The following CTNND2 variants were observed in gnomAD, a reference collection of about 807,000 sequenced individuals.
CTNND2 encodes the protein catenin delta-2.
A neutral mutation model predicts 144.4 loss-of-function variants in CTNND2; 22 were observed. The ratio of observed to expected loss-of-function variants is 0.15; its 90% CI spans 0.11 to 0.22. The LOEUF (loss-of-function observed/expected upper bound fraction) is 0.22, where lower values mean the gene tolerates loss of function less well. Among genes scored for constraint, CTNND2 ranks in the 10% least tolerant of loss-of-function variants. CTNND2 has a pLI of 1.00. For missense variants in CTNND2, 1,353 were observed against 1,618.8 expected (o/e 0.84, Z 2.82); for synonymous variants, 751 against 695.6 (o/e 1.08, Z -1.25).
intron 1 of CTNND2, among the ~76,000 whole-genome samples, chr5:11,758,348 G>T (rs1442340077): frequency 6.6e-6 from 1 of 151,710 alleles, no homozygotes; most frequent in South Asian, 2.1e-4. Context: ...ATTTTTGTTT[G>T]ATTAAAAAAA....
chr5:11,492,210 G>A (rs547400229), intron 3 of CTNND2, among the ~76,000 whole-genome samples: 2 of 152,224 alleles, frequency 1.3e-5, no homozygotes, highest in South Asian at 4.1e-4. Flanking sequence ...CAGGTAAACG[G>A]CATTTTACTG....
At chr5:11,460,156 A>G in intron 3 of CTNND2, among the ~76,000 whole-genome samples, 1 of 152,178 alleles carries the variant, frequency 6.6e-6, no homozygotes, top group East Asian at 1.9e-4. Context: ...ATACACTCAG[A>G]GGGAGCCTCC....
chr5:11,412,253 T>A (rs978620129), intron 3 of CTNND2, among the ~76,000 whole-genome samples, 184 bp from the exon 4 acceptor site: 3 of 152,194 alleles, frequency 2.0e-5, no homozygotes, highest in African/African-American at 7.2e-5. Flanking sequence ...TTGCTGTATA[T>A]CCCTTTTGAT....
At chr5:11,481,563 A>T (rs534744551) in intron 3 of CTNND2, among the ~76,000 whole-genome samples, 40 of 152,156 alleles carry the variant, frequency 2.6e-4, no homozygotes, top group African/African-American at 7.9e-4. Flanking sequence ...AGGTCATGCC[A>T]CTGCACTGCA....
At chr5:11,112,417 T>C (rs1753093535) in intron 13 of CTNND2, among the ~76,000 whole-genome samples, 1 of 152,158 alleles carries the variant, frequency 6.6e-6, no homozygotes. Flanking sequence ...AGGGTCTAGA[T>C]GCTGGAATAG....
intron 2 of CTNND2, among the ~76,000 whole-genome samples, chr5:11,698,232 C>G (rs1785226964): frequency 6.6e-6 from 1 of 152,042 alleles, no homozygotes; most frequent in Non-Finnish European, 1.5e-5. Flanking sequence ...TCCATGAAAT[C>G]TATCTGATGC....
At chr5:11,668,413 A>G (rs1334250293) in intron 2 of CTNND2, among the ~76,000 whole-genome samples, 2 of 152,162 alleles carry the variant, frequency 1.3e-5, no homozygotes, top group African/African-American at 4.8e-5. Flanking sequence ...ATGTTTATCC[A>G]TTTGTTTGTG....
intron 5 of CTNND2, among the ~76,000 whole-genome samples, chr5:11,409,327 G>C (rs1275083841): frequency 6.6e-6 from 1 of 151,930 alleles, no homozygotes; most frequent in African/African-American, 2.4e-5. Context: ...TTATCTTCTA[G>C]TAGCTGGTCA....
At chr5:11,178,118 C>T (rs373146597) in intron 11 of CTNND2, among the ~76,000 whole-genome samples, 1 of 152,094 alleles carries the variant, frequency 6.6e-6, no homozygotes, top group African/African-American at 2.4e-5. Context: ...TCTCAATGCC[C>T]ATTTCTATTC....
At position 11,134,197 on chromosome 5, in the gene CTNND2, A is replaced by G. The variant is rs941926932; in HGVS notation, c.2160-16630T>C. Among the ~76,000 whole-genome samples the G allele has an allele frequency of 3.3e-5, 5 of 152,178 alleles. 1 individual carries two copies. Among genetic ancestry groups the G allele is most frequent in the Admixed American group, 1.3e-4 (2 of 15,274 alleles). Reference sequence around the variant, plus strand: ...CTCAGGTGGCTTTAAGGATGAAGGAAGGGAGCAATGAGCCAAGGAATATCA... The same window carrying G: ...CTCAGGTGGCTTTAAGGATGAAGGAGGGGAGCAATGAGCCAAGGAATATCA... On this transcript the variant is annotated intron_variant, in intron 12 of 21. Transcript: ENST00000304623.
intron 18 of CTNND2, among the ~76,000 whole-genome samples, chr5:10,994,204 A>G (rs1579979007): frequency 7.8e-6 from 1 of 127,844 alleles, no homozygotes; most frequent in Non-Finnish European, 1.6e-5. Context: ...GGAAGGAAAA[A>G]CCAAGCCGGA....
chr5:11,425,506 T>C (rs1762706854), intron 3 of CTNND2, among the ~76,000 whole-genome samples: 2 of 152,210 alleles, frequency 1.3e-5, no homozygotes, highest in African/African-American at 4.8e-5. Flanking sequence ...GTATGTGTCC[T>C]GAAGTTATCC....
chr5:11,385,599 A>G (rs1232943106), intron 6 of CTNND2, among the ~76,000 whole-genome samples: 4 of 152,048 alleles, frequency 2.6e-5, no homozygotes, highest in African/African-American at 7.2e-5. Flanking sequence ...CGCAATCACA[A>G]TCTGTTTGTT....
chr5:11,381,715 C>T (rs1267424582), intron 7 of CTNND2, among the ~76,000 whole-genome samples: 1 of 152,208 alleles, frequency 6.6e-6, no homozygotes, highest in Admixed American at 6.5e-5. Context: ...CGCCTGTAAT[C>T]CCAGCACTTT....
At chr5:11,052,033 C>T (rs113878329) in intron 16 of CTNND2, among the ~76,000 whole-genome samples, 5 of 152,244 alleles carry the variant, frequency 3.3e-5, no homozygotes, top group East Asian at 1.9e-4. Flanking sequence ...TGGTTTCAAG[C>T]GGGCCGGGGC....
intron 3 of CTNND2, among the ~76,000 whole-genome samples, chr5:11,424,194 T>C (rs566590844): frequency 5.6e-4 from 86 of 152,262 alleles, no homozygotes; most frequent in African/African-American, 2.0e-3. Context: ...GATACATCCA[T>C]ACCAAGGAAG....
At chr5:11,542,345 T>A (rs990707089) in intron 3 of CTNND2, among the ~76,000 whole-genome samples, 2 of 152,160 alleles carry the variant, frequency 1.3e-5, no homozygotes, top group Non-Finnish European at 2.9e-5. Context: ...CATTCCAGGT[T>A]TTCCTGCTCA....
intron 9 of CTNND2, among the ~76,000 whole-genome samples, chr5:11,257,250 C>T (rs1744349519): frequency 6.6e-6 from 1 of 152,060 alleles, no homozygotes; most frequent in Admixed American, 6.6e-5. Flanking sequence ...GCAGCAATTA[C>T]CTCTTGTTTC....
At chr5:11,886,948 T>A (rs1055542352) in intron 1 of CTNND2, among the ~76,000 whole-genome samples, 4 of 145,526 alleles carry the variant, frequency 2.7e-5, no homozygotes, top group African/African-American at 9.9e-5. Flanking sequence ...CAAGCCACTA[T>A]CAAATAAGAT....
Sources: allele counts gnomAD v4.1 joint callset (sites outside exome capture counted in the v4.1 genomes callset), GRCh38; gene constraint gnomAD v4.1.1; transcripts MANE v1.5; gene names NCBI Gene and HGNC (gene_info 2026-07-23, HGNC 2026-07-21).